NEB: variants seen among roughly 807,000 people sequenced by gnomAD.
NEB encodes nemaline myopathy type 2.
In NEB, 512 loss-of-function variants were observed where a neutral mutation model predicts 952.2. The observed-to-expected ratio is 0.54, with a 90% CI of 0.50 to 0.58. The LOEUF is 0.58. NEB is among the 20% of genes least tolerant of loss of function. The probability of loss-of-function intolerance (pLI) is 0.00; values close to 1 mark genes in which losing one functional copy is unlikely to be tolerated. For missense variants in NEB, 8,428 were observed against 9,231.1 expected (o/e 0.91, Z 3.56); for synonymous variants, 2,900 against 3,149.8 (o/e 0.92, Z 2.66).
chr2:151,613,340 T>C (rs998827839), intron 77 of NEB, among the ~76,000 whole-genome samples: 2 of 152,210 alleles, frequency 1.3e-5, no homozygotes, highest in African/African-American at 4.8e-5. Context: ...ATACTTCCTA[T>C]AAGTTAAATA....
chr2:151,684,739 C>T (rs2099477896), intron 28 of NEB, 39 bp downstream of exon 28: 1 of 1,484,138 alleles, frequency 6.7e-7, no homozygotes, highest in African/African-American at 1.4e-5. Flanking sequence ...CAGTTTCCAT[C>T]TTTTTAAAAG....
chr2:151,500,753 A>G (rs1332151019), intron 168 of NEB, among the ~76,000 whole-genome samples: 1 of 151,880 alleles, frequency 6.6e-6, no homozygotes, highest in African/African-American at 2.4e-5. Flanking sequence ...ATGTGCCACC[A>G]CGCTTGGCTA....
In NEB at chr2:151,533,269, C is replaced by T. The variant is rs558453081; in HGVS notation, c.21417+173G>A. On this transcript the variant is annotated intron_variant, in intron 143 of 181. Transcript: ENST00000397345. ...AGATGATGTACGGATGACCACTGTC[C>T]CATCACCTTTGGCCACATTCAGAGA... is the stretch of plus-strand genomic sequence containing the variant. 2.0e-5 allele frequency among the ~76,000 whole-genome samples: 3 copies of T among 152,192 alleles called. No homozygotes were observed. In the East Asian group the frequency reaches 5.8e-4, roughly 29 times the overall value.
intron 107 of NEB, among the ~76,000 whole-genome samples, chr2:151,573,144 G>T (rs2096705037): frequency 6.6e-6 from 1 of 152,260 alleles, no homozygotes; most frequent in Admixed American, 6.5e-5. Context: ...GTTTAATCAA[G>T]ATTACAGTAA....
chr2:151,495,447 G>GATGCGTGCTAATGCGTGCTA (rs3832166), intron 173 of NEB: 2 of 151,218 alleles, frequency 1.3e-5, no homozygotes, highest in Non-Finnish European at 3.0e-5. Context: ...ACGTTATTCT[G>GATGCGTGCTAATGCGTGCTA]ATGCGTGCTA....
At chr2:151,646,755 T>G (rs1290572886) in intron 54 of NEB, among the ~76,000 whole-genome samples, 1 of 152,160 alleles carries the variant, frequency 6.6e-6, no homozygotes, top group African/African-American at 2.4e-5. Flanking sequence ...GTTCAAGTGA[T>G]TCTGGTGCCT....
intron 145 of NEB, among the ~76,000 whole-genome samples, chr2:151,530,356 A>G (rs748900763): frequency 2.0e-5 from 3 of 152,022 alleles, no homozygotes; most frequent in Admixed American, 6.5e-5. Context: ...AGCTTCACCC[A>G]CTTTTGCTCT....
intron 10 of NEB, among the ~76,000 whole-genome samples, chr2:151,713,999 G>A (rs2099752595): frequency 6.6e-6 from 1 of 152,118 alleles, no homozygotes; most frequent in Non-Finnish European, 1.5e-5. Context: ...CTAGTATAAT[G>A]AGTATTTTGA....
At chr2:151,569,531 G>A (rs998234052) in intron 109 of NEB, among the ~76,000 whole-genome samples, 159 bp from the exon 110 acceptor site, 8 of 152,214 alleles carry the variant, frequency 5.3e-5, no homozygotes, top group African/African-American at 1.4e-4. Flanking sequence ...TTAATTAGGC[G>A]GCCAGGCAGT....
In NEB at chr2:151,488,529, C is replaced by A. The variant is rs1002131872; in HGVS notation, c.25404+1442G>T. 4.6e-5 allele frequency among the ~76,000 whole-genome samples: 7 copies of A among 151,816 alleles called. No individual in the cohort carries two copies. In the South Asian group the frequency reaches 1.3e-3, roughly 27 times the overall value. ...TAGAATGGCATATACACCTGTAGTC[C>A]TAGCTATTCTGGTGGCTGAGGCTGG... is the stretch of plus-strand genomic sequence containing the variant. On this transcript the variant is annotated intron_variant, in intron 181 of 181. Coordinates refer to ENST00000397345, the MANE Select transcript of NEB (RefSeq NM_001164508.2).
intron 71 of NEB, among the ~76,000 whole-genome samples, chr2:151,623,961 T>C (rs2098468414): frequency 6.6e-6 from 1 of 152,152 alleles, no homozygotes; most frequent in Admixed American, 6.5e-5. Flanking sequence ...TCATCAGGGA[T>C]GTATTTTAAA....
At chr2:151,503,578 A>T (rs953925322) in intron 165 of NEB, 137 bp from the exon 166 acceptor site, 3 of 564,688 alleles carry the variant, frequency 5.3e-6, no homozygotes, top group Non-Finnish European at 9.3e-6. Context: ...AACAGGGGGG[A>T]AAATTCCATG....
rs771686836 is a variant in NEB, at chr2:151,627,514, A to C, written c.10143+9T>G. ...ATGAGCACAGTTACCATGGATCTTA[A>C]TTACTCACATCGCTCTGGAGGTCAT... On this transcript the variant is annotated intron_variant, in intron 69 of 181. Transcript: ENST00000397345. 2.5e-6 allele frequency: 4 copies of C among 1,612,658 alleles called. No homozygotes were observed. The African/African-American group carries it at 5.3e-5, about 22-fold the overall frequency.
In NEB at chr2:151,727,834, C is replaced by T. The variant is rs553527829; in HGVS notation, c.151G>A (p.Ala51Thr). 6.2e-7 allele frequency: 1 copy of T among 1,613,744 alleles called. No individual in the cohort carries two copies. The highest frequency in any genetic ancestry group is 8.5e-7 in the Non-Finnish European group (1 of 1,179,790). Residue 51 changes from alanine (A) to threonine (T), a missense_variant, in exon 5 of 182, where the codon GCT (alanine) becomes ACT (threonine). Coordinates refer to ENST00000397345, the MANE Select transcript of NEB (RefSeq NM_001164508.2). ...TGTGCCAGTGCTGGCTGTGCCAGAG[C>T]TGGTTTGGAAGTTTCTGATTGCTCA... is the stretch of plus-strand genomic sequence containing the variant. ...DYEQSETSKP[A>T]LAQPALAQPA...
intron 54 of NEB, among the ~76,000 whole-genome samples, chr2:151,649,443 A>T (rs1284101823): frequency 6.6e-6 from 1 of 152,202 alleles, no homozygotes; most frequent in Non-Finnish European, 1.5e-5. Flanking sequence ...CCTACAGTAC[A>T]TATATTTAGA....
intron 36 of NEB, 75 bp downstream of exon 36, chr2:151,674,402 G>T (rs1328949283): frequency 4.6e-6 from 5 of 1,079,134 alleles, no homozygotes; most frequent in Non-Finnish European, 5.7e-6. Flanking sequence ...TTTCAATAAG[G>T]TATCAATTTA....
chr2:151,684,331 ATATT>A (rs2099468781), intron 28 of NEB, among the ~76,000 whole-genome samples: 1 of 152,200 alleles, frequency 6.6e-6, no homozygotes, highest in Non-Finnish European at 1.5e-5. Flanking sequence ...ACCGTTATAA[ATATT>A]TATGTTAAAT....
Position 151,675,275 on chromosome 2 carries a change from G to A in NEB, c.3879+12C>T, listed in dbSNP as rs1248127521. The A allele has an allele frequency of 9.2e-6, 14 of 1,526,668 alleles. No individual in the cohort carries two copies. The highest frequency in any genetic ancestry group is 1.3e-5 in the Non-Finnish European group (14 of 1,114,776). 94.6% of individuals were successfully genotyped at this position (1,526,668 alleles called of 1,614,324 possible). On this transcript the variant is annotated intron_variant, in intron 35 of 181. Coordinates refer to ENST00000397345, the MANE Select transcript of NEB (RefSeq NM_001164508.2). Reference sequence around the variant, plus strand: ...GGTCCGAATTTCACATCCCAGCAAAGACCCTACTTACGTCACTTATATTGT... The same window carrying A: ...GGTCCGAATTTCACATCCCAGCAAAAACCCTACTTACGTCACTTATATTGT...
chr2:151,568,850 T>A (rs1277568716), intron 110 of NEB, 134 bp from the exon 111 acceptor site: 1 of 678,056 alleles, frequency 1.5e-6, no homozygotes, highest in Non-Finnish European at 2.4e-6. Flanking sequence ...TCTTGGGAAT[T>A]TGGCTTTCTT....
Sources: allele counts gnomAD v4.1 joint callset (sites outside exome capture counted in the v4.1 genomes callset), GRCh38; gene constraint gnomAD v4.1.1; transcripts MANE v1.5; gene names NCBI Gene and HGNC (gene_info 2026-07-23, HGNC 2026-07-21).